The following PRDM16 variants were observed in gnomAD, a reference collection of about 807,000 sequenced individuals.
PRDM16 encodes histone-lysine N-methyltransferase PRDM16.
Under a neutral mutation model 110.6 loss-of-function variants are expected in PRDM16, and 23 were observed. The ratio of observed to expected loss-of-function variants is 0.21; its 90% CI spans 0.15 to 0.29. The LOEUF is 0.29. PRDM16 is among the 10% of genes least tolerant of loss of function. PRDM16 has a pLI of 1.00. For synonymous variants in PRDM16, 799 were observed against 781.8 expected (o/e 1.02, Z -0.37); for missense variants, 1,615 against 1,794.3 (o/e 0.90, Z 1.81).
chr1:3,262,150 G>C (rs1163665661), intron 3 of PRDM16, among the ~76,000 whole-genome samples: 1 of 152,224 alleles, frequency 6.6e-6, no homozygotes, highest in Non-Finnish European at 1.5e-5. Flanking sequence ...TCGGTAATCT[G>C]CCGAAGATCA....
At position 3,425,979 on chromosome 1, in the gene PRDM16, C is replaced by T. The variant is rs1371560460; in HGVS notation, c.3110-72C>T. ...AACAGCACCCCAGGTGTACCCCGTTCGCGGTTGGTTTGCCCCACGGAGGGA... is the reference window on the plus strand; with the variant it reads ...AACAGCACCCCAGGTGTACCCCGTTTGCGGTTGGTTTGCCCCACGGAGGGA... On this transcript the variant is annotated intron_variant, in intron 13 of 16. Transcript: ENST00000270722. The surrounding 1 kb of genome is among the most constrained non-coding windows in gnomAD (Gnocchi z 6.9). 9 of 1,509,806 alleles carry T rather than the reference C, an allele frequency of 6.0e-6. No homozygotes were observed. The African/African-American group carries it at 6.9e-5, about 12-fold the overall frequency. 93.5% of individuals were successfully genotyped at this position (1,509,806 alleles called of 1,614,324 possible).
At chr1:3,215,426 T>TGGG (rs1557534853) in intron 2 of PRDM16, among the ~76,000 whole-genome samples, 1,842 of 81,528 alleles carry the variant, frequency 0.023, 63 homozygotes, top group African/African-American at 0.19. Flanking sequence ...GCAAGGCCTA[T>TGGG]TGGGGTCCAG....
At chr1:3,262,604 G>A in intron 3 of PRDM16, among the ~76,000 whole-genome samples, 1 of 152,240 alleles carries the variant, frequency 6.6e-6, no homozygotes, top group East Asian at 1.9e-4. Context: ...GAAGTTGGAG[G>A]GATGGGGTCC....
At chr1:3,187,851 GGT>G (rs1409031966) in intron 2 of PRDM16, among the ~76,000 whole-genome samples, 1 of 152,212 alleles carries the variant, frequency 6.6e-6, no homozygotes, top group Non-Finnish European at 1.5e-5. Context: ...TGGGGGTCCC[GGT>G]GCCTGAAGAA....
chr1:3,143,976 A>AGG lies in PRDM16; in HGVS notation c.38-42146_38-42145dup, dbSNP rs1366005991. ...TTTTGAGGCCAGGGGGAAGATGCTA[A>AGG]GGGGTCCTCTTTGCCGCCTGTGAAG... On this transcript the variant is annotated intron_variant, in intron 1 of 16. Transcript: ENST00000270722. This position sits in a 1 kb window ranked among gnomAD's most constrained non-coding sequence, Gnocchi z 4.5. 2.6e-5 allele frequency among the ~76,000 whole-genome samples: 4 copies of AGG among 152,172 alleles called. No homozygotes were observed. The highest frequency in any genetic ancestry group is 9.7e-5 in the African/African-American group (4 of 41,444).
intron 2 of PRDM16, among the ~76,000 whole-genome samples, chr1:3,223,964 G>A (rs772104581): frequency 2.2e-4 from 33 of 152,164 alleles, no homozygotes; most frequent in Admixed American, 1.8e-3. Context: ...TAAGATAAAC[G>A]GGTATCACTT....
At chr1:3,218,153 G>A (rs749076132) in intron 2 of PRDM16, among the ~76,000 whole-genome samples, 9 of 152,240 alleles carry the variant, frequency 5.9e-5, no homozygotes, top group Non-Finnish European at 8.8e-5. Context: ...GCAGCCTGGC[G>A]TGACGGCCAG....
At chr1:3,325,727 G>A (rs1641874267) in intron 3 of PRDM16, among the ~76,000 whole-genome samples, 2 of 152,236 alleles carry the variant, frequency 1.3e-5, no homozygotes, top group African/African-American at 2.4e-5. Context: ...TGGTGTTGCT[G>A]GCCATCCTTG....
At chr1:3,295,417 G>A (rs779185630) in intron 3 of PRDM16, among the ~76,000 whole-genome samples, 1 of 152,142 alleles carries the variant, frequency 6.6e-6, no homozygotes, top group Non-Finnish European at 1.5e-5. Flanking sequence ...ATGGGCTCAC[G>A]GAGGTGCGAC....
chr1:3,387,965 C>T (rs188543619), intron 4 of PRDM16, among the ~76,000 whole-genome samples: 14 of 152,370 alleles, frequency 9.2e-5, no homozygotes, highest in African/African-American at 1.9e-4. Flanking sequence ...ACGGCTGTGA[C>T]GGCCGCACGG....
intron 2 of PRDM16, among the ~76,000 whole-genome samples, chr1:3,241,902 C>T (rs1272424342): frequency 1.3e-5 from 2 of 152,180 alleles, no homozygotes; most frequent in East Asian, 1.9e-4. Context: ...AGGGTGGCAT[C>T]GGTGGGTGGC....
chr1:3,094,427 C>G (rs1169499030), intron 1 of PRDM16, among the ~76,000 whole-genome samples: 2 of 152,244 alleles, frequency 1.3e-5, no homozygotes, highest in African/African-American at 2.4e-5. Flanking sequence ...GGCCCCAGCC[C>G]GTCTCAGGCC....
At chr1:3,357,755 G>A (rs979965276) in intron 3 of PRDM16, among the ~76,000 whole-genome samples, 4 of 152,246 alleles carry the variant, frequency 2.6e-5, no homozygotes, top group African/African-American at 9.6e-5. Context: ...ACCCCCAGGG[G>A]ACACTGGCAA....
chr1:3,361,933 G>A (rs560943148), intron 3 of PRDM16, among the ~76,000 whole-genome samples: 66 of 150,948 alleles, frequency 4.4e-4, no homozygotes, highest in African/African-American at 1.4e-3. Flanking sequence ...AGAAGTGACC[G>A]CGGCCCAGGA....
Position 3,420,031 on chromosome 1 carries a change from T to C in PRDM16, c.2939+1287T>C, listed in dbSNP as rs1411387159. Among the ~76,000 whole-genome samples the C allele has an allele frequency of 8.5e-5, 13 of 152,158 alleles. No homozygotes were observed. In the East Asian group the frequency reaches 2.5e-3, roughly 29 times the overall value. ...TCCCAGAAAATGAGCTGTGTGTTTT[T>C]TCTGTAATGAGAGCCGACTTCTGGA... On this transcript the variant is annotated intron_variant, in intron 12 of 16. Transcript: ENST00000270722.
chr1:3,251,458 G>A (rs1053038005), intron 3 of PRDM16, among the ~76,000 whole-genome samples: 5 of 152,184 alleles, frequency 3.3e-5, no homozygotes, highest in Non-Finnish European at 7.3e-5. Flanking sequence ...GTGTGGGAAC[G>A]AGGGACCAGT....
chr1:3,178,056 C>T (rs1644109117), intron 1 of PRDM16, among the ~76,000 whole-genome samples: 1 of 152,170 alleles, frequency 6.6e-6, no homozygotes, highest in Non-Finnish European at 1.5e-5. Context: ...ACTTGCAAGG[C>T]TCGGCCATGG....
chr1:3,426,360 A>T lies in PRDM16; in HGVS notation c.3284+135A>T, dbSNP rs1315401708. On this transcript the variant is annotated intron_variant, in intron 14 of 16. Coordinates refer to ENST00000270722, the MANE Select transcript of PRDM16 (RefSeq NM_022114.4). ...AGATAGGCGCAGTGGGGGCCTCACC[A>T]CAGAGGGTGAGGCCCCTGGGCTCTG... The T allele has an allele frequency of 2.5e-5, 16 of 636,294 alleles. No homozygotes were observed. In the Admixed American group the frequency reaches 3.0e-4, roughly 12 times the overall value. The allele number at this position is 636,294 out of a possible 1,614,324, so 39.4% of individuals were successfully genotyped here. A position where few individuals can be genotyped will look rare whatever the true frequency, so the allele number is the denominator to read the frequency against.
chr1:3,220,979 T>G (rs1406902675), intron 2 of PRDM16, among the ~76,000 whole-genome samples: 2 of 152,188 alleles, frequency 1.3e-5, no homozygotes, highest in Non-Finnish European at 2.9e-5. Flanking sequence ...TCAGGCCACT[T>G]GATGCTCAGA....
Sources: gnomAD v4.1 joint callset for allele counts (sites outside exome capture counted in the v4.1 genomes callset) on GRCh38, gnomAD v4.1.1 for gene constraint, Gnocchi (gnomAD v3.1) non-coding constraint, MANE v1.5 for transcripts, NCBI Gene and HGNC (gene_info 2026-07-23, HGNC 2026-07-21) for gene names.